TYW1: variants seen among roughly 807,000 people sequenced by gnomAD.
TYW1 encodes the protein tRNA-yW synthesizing protein 1 homolog, also known as S-adenosyl-L-methionine-dependent tRNA 4-demethylwyosine synthase TYW1.
A neutral mutation model predicts 96.2 loss-of-function variants in TYW1; 46 were observed. The ratio of observed to expected loss-of-function variants is 0.48; its 90% CI spans 0.38 to 0.61. The LOEUF (loss-of-function observed/expected upper bound fraction) is 0.61, where lower values mean the gene tolerates loss of function less well. Ranked by LOEUF, TYW1 falls within the 20% of genes least tolerant of loss-of-function variation. The probability of loss-of-function intolerance (pLI) is 0.00; values close to 1 mark genes in which losing one functional copy is unlikely to be tolerated. For missense variants in TYW1, 684 were observed against 909.6 expected, an observed-to-expected ratio of 0.75 and a Z score of 3.19; for synonymous variants, 274 against 323.0, an observed-to-expected ratio of 0.85 and a Z score of 1.63.
chr7:67,238,177 GTT>G lies in TYW1; in HGVS notation c.1978-129_1978-128del, dbSNP rs1801953191. ...TGGAACATGGAAGAGGTTTTTTTGTGTTTGTTTTTGTTTTTGTTTTCTTGACG... is the reference window on the plus strand; with the variant it reads ...TGGAACATGGAAGAGGTTTTTTTGTGTGTTTTTGTTTTTGTTTTCTTGACG... On this transcript the variant is annotated intron_variant, in intron 15 of 15. Coordinates refer to ENST00000359626, the MANE Select transcript of TYW1 (RefSeq NM_018264.4). The G allele has an allele frequency of 2.2e-6, 3 of 1,367,786 alleles. No individual in the cohort carries two copies. The African/African-American group carries it at 4.5e-5, about 20-fold the overall frequency. 84.7% of individuals were successfully genotyped at this position (1,367,786 alleles called of 1,614,324 possible).
chr7:67,007,881 C>T (rs890401205), intron 3 of TYW1, among the ~76,000 whole-genome samples: 25 of 152,184 alleles, frequency 1.6e-4, no homozygotes, highest in African/African-American at 5.5e-4. Context: ...GTGATCTGTC[C>T]GCCTCGGCTT....
intron 7 of TYW1, 84 bp from the exon 8 acceptor site, chr7:67,049,865 T>C (rs1179276687): frequency 1.0e-5 from 16 of 1,541,174 alleles, no homozygotes; most frequent in South Asian, 1.2e-5. Context: ...GACCTTTTTA[T>C]TGATGCTAGG....
intron 15 of TYW1, among the ~76,000 whole-genome samples, chr7:67,221,278 C>T (rs1249657825): frequency 6.6e-6 from 1 of 152,100 alleles, no homozygotes; most frequent in South Asian, 2.1e-4. Context: ...AATTCAAAGT[C>T]TTATTTTCTT....
At chr7:67,148,622 G>A (rs778875359) in intron 13 of TYW1, among the ~76,000 whole-genome samples, 7 of 152,006 alleles carry the variant, frequency 4.6e-5, no homozygotes, top group South Asian at 2.1e-4. Context: ...TAGTAGAGAC[G>A]GGGTTTCACT....
chr7:67,209,449 A>G (rs1281639232), intron 15 of TYW1, among the ~76,000 whole-genome samples: 8 of 152,210 alleles, frequency 5.3e-5, no homozygotes, highest in Non-Finnish European at 4.4e-5. Context: ...TTCCCTCCAC[A>G]TATTGGCAAC....
intron 9 of TYW1, among the ~76,000 whole-genome samples, chr7:67,064,584 CA>C (rs1488406093): frequency 1.3e-5 from 2 of 152,060 alleles, no homozygotes; most frequent in African/African-American, 4.8e-5. Context: ...ATGGTGGTGG[CA>C]AGAGAAAATG....
chr7:67,225,082 T>A (rs561984013), intron 15 of TYW1, among the ~76,000 whole-genome samples: 203 of 151,358 alleles, frequency 1.3e-3, no homozygotes, highest in African/African-American at 4.7e-3. Context: ...TCCTAGCTAC[T>A]TGGGAGGCTG....
intron 4 of TYW1, among the ~76,000 whole-genome samples, chr7:67,013,032 G>T (rs548178897): frequency 1.3e-4 from 20 of 151,802 alleles, no homozygotes; most frequent in South Asian, 6.2e-4. Flanking sequence ...GGTGCCAAGT[G>T]TTAAATTACT....
chr7:67,220,704 C>T (rs376480355), intron 15 of TYW1, among the ~76,000 whole-genome samples: 101 of 151,042 alleles, frequency 6.7e-4, no homozygotes, highest in African/African-American at 2.3e-3. Context: ...GTTGGCTTAT[C>T]GTGCCCTTCA....
intron 3 of TYW1, among the ~76,000 whole-genome samples, chr7:67,004,711 G>A (rs900851196): frequency 1.9e-4 from 29 of 152,036 alleles, no homozygotes; most frequent in African/African-American, 6.5e-4. Context: ...TTTCTCCTTC[G>A]CTTATGAAGC....
chr7:67,077,432 A>T (rs1003830225), intron 10 of TYW1, among the ~76,000 whole-genome samples: 1 of 152,204 alleles, frequency 6.6e-6, no homozygotes, highest in Non-Finnish European at 1.5e-5. Context: ...TAGTCATTTT[A>T]ACTTGGGTGA....
chr7:67,217,698 G>GT lies in TYW1; in HGVS notation c.1978-20604dup, dbSNP rs1447432963. On this transcript the variant is annotated intron_variant, in intron 15 of 15. Coordinates refer to ENST00000359626, the MANE Select transcript of TYW1 (RefSeq NM_018264.4). The stretch of plus-strand genomic sequence containing the variant: ...GGGAGTGTGAGTCCTCCAGTTTTGT[G>GT]TTTTTTCTCAAGATTGTTTTGGCTA... Among the ~76,000 whole-genome samples the GT allele has an allele frequency of 6.6e-5, 10 of 151,888 alleles. No homozygotes were observed. The South Asian group carries it at 8.3e-4, about 13-fold the overall frequency.
At chr7:67,072,230 T>G (rs1388758730) in intron 10 of TYW1, among the ~76,000 whole-genome samples, 1 of 148,768 alleles carries the variant, frequency 6.7e-6, no homozygotes, top group Non-Finnish European at 1.5e-5. Context: ...CTGAGACCTT[T>G]GTTAACCCCT....
intron 10 of TYW1, among the ~76,000 whole-genome samples, chr7:67,076,679 T>C (rs1796218203): frequency 6.6e-6 from 1 of 152,162 alleles, no homozygotes; most frequent in African/African-American, 2.4e-5. Flanking sequence ...TTTTGCCAAG[T>C]TGGCCAGACT....
At chr7:67,158,078 G>T in intron 13 of TYW1, among the ~76,000 whole-genome samples, 1 of 144,390 alleles carries the variant, frequency 6.9e-6, no homozygotes. Flanking sequence ...CTTGTTTGCT[G>T]AGGATTTTTT....
At chr7:67,080,946 T>G (rs1161842018) in intron 10 of TYW1, among the ~76,000 whole-genome samples, 2 of 80,696 alleles carry the variant, frequency 2.5e-5, no homozygotes, top group African/African-American at 5.3e-5. Flanking sequence ...TACTGTTTTT[T>G]TTTTTTTTTT....
At chr7:67,117,353 G>A (rs1797626375) in intron 12 of TYW1, 130 bp from the exon 13 acceptor site, 2 of 972,808 alleles carry the variant, frequency 2.1e-6, no homozygotes, top group East Asian at 3.0e-5. Flanking sequence ...GTCTTTTGGG[G>A]GAAGTGGAAG....
At chr7:67,221,657 C>G (rs1414885278) in intron 15 of TYW1, among the ~76,000 whole-genome samples, 2 of 151,884 alleles carry the variant, frequency 1.3e-5, no homozygotes. Flanking sequence ...GATGCTGTAG[C>G]TATTCTCCTT....
intron 13 of TYW1, among the ~76,000 whole-genome samples, chr7:67,128,962 T>G (rs1273840839): frequency 8.5e-5 from 13 of 152,182 alleles, no homozygotes; most frequent in Admixed American, 3.9e-4. Context: ...GTGCTGGGAT[T>G]ACAGGTGTGA....
Sources: gnomAD v4.1 joint callset for allele counts (sites outside exome capture counted in the v4.1 genomes callset) on GRCh38, gnomAD v4.1.1 for gene constraint, MANE v1.5 for transcripts, NCBI Gene and HGNC (gene_info 2026-07-23, HGNC 2026-07-21) for gene names.